The following MAPT variants were observed in gnomAD, a reference collection of about 807,000 sequenced individuals.
The protein encoded by MAPT is microtubule associated protein tau.
In MAPT, 34 loss-of-function variants were observed where a neutral mutation model predicts 67.9. The ratio of observed to expected loss-of-function variants is 0.50; its 90% confidence interval spans 0.38 to 0.67. The LOEUF (loss-of-function observed/expected upper bound fraction) is 0.67. Among genes scored for constraint, MAPT ranks in the 30% least tolerant of loss-of-function variants. MAPT has a pLI of 0.00. For synonymous variants in MAPT, 456 were observed against 464.5 expected, an observed-to-expected ratio of 0.98 and a Z score of 0.23; for missense variants, 881 against 1,115.2, an observed-to-expected ratio of 0.79 and a Z score of 2.99.
In MAPT at chr17:46,010,648, G is replaced by A. The variant is rs367962578; in HGVS notation, c.2091+246G>A. Among the ~76,000 whole-genome samples, 2 of 152,160 alleles carry A rather than the reference G, an allele frequency of 1.3e-5. No homozygotes were observed. The highest frequency in any genetic ancestry group is 1.9e-4 in the East Asian group (1 of 5,186). ...AGCATTTCTGGGTCCCCCAGCCTGCGCAGGCTGTGTGGACAGAATAGGGCA... is the reference window on the plus strand; with the variant it reads ...AGCATTTCTGGGTCCCCCAGCCTGCACAGGCTGTGTGGACAGAATAGGGCA... On this transcript the variant is annotated intron_variant, in intron 10 of 12. Coordinates refer to ENST00000262410, the MANE Select transcript of MAPT (RefSeq NM_001377265.1). The surrounding 1 kb of genome is among the most constrained non-coding windows in gnomAD (Gnocchi z 4.7).
chr17:45,952,573 C>T (rs978683953), intron 1 of MAPT, among the ~76,000 whole-genome samples: 3 of 152,100 alleles, frequency 2.0e-5, no homozygotes, highest in African/African-American at 7.2e-5. Context: ...TCGCTTGAGC[C>T]CTGGGGTTCA....
intron 9 of MAPT, among the ~76,000 whole-genome samples, chr17:46,006,200 A>G (rs1393373748): frequency 2.0e-5 from 3 of 152,244 alleles, no homozygotes; most frequent in Non-Finnish European, 2.9e-5. Context: ...GTGTCCATCA[A>G]CAGACAAATG....
intron 4 of MAPT, among the ~76,000 whole-genome samples, chr17:45,982,392 C>G (rs1015005481): frequency 6.6e-6 from 1 of 151,922 alleles, no homozygotes; most frequent in African/African-American, 2.4e-5. Context: ...AGGGGATTCT[C>G]GCTACACCCA....
At position 45,974,469 on chromosome 17, in the gene MAPT, C is replaced by G. The variant is rs773359800; in HGVS notation, c.220+2524C>G. On this transcript the variant is annotated intron_variant, in intron 3 of 12. Coordinates refer to ENST00000262410, the MANE Select transcript of MAPT (RefSeq NM_001377265.1). The stretch of plus-strand genomic sequence containing the variant: ...CACACGGAGATCCCAGAAGGAACCA[C>G]AGGTGAGGGTAAGCCCCAGAGACCC... The G allele has an allele frequency of 8.1e-6, 13 of 1,602,130 alleles. No individual in the cohort carries two copies. In the African/African-American group the frequency reaches 1.7e-4, roughly 21 times the overall value.
At chr17:45,929,968 C>T (rs564033974) in intron 1 of MAPT, among the ~76,000 whole-genome samples, 3 of 152,264 alleles carry the variant, frequency 2.0e-5, no homozygotes, top group African/African-American at 4.8e-5. Context: ...AAGCCAAGTT[C>T]CTTCCTGGGT....
At chr17:45,941,733 T>TCCTTCCTTCCTTCCTG (rs2068005820) in intron 1 of MAPT, among the ~76,000 whole-genome samples, 5 of 59,944 alleles carry the variant, frequency 8.3e-5, no homozygotes, top group Non-Finnish European at 9.2e-5. Context: ...CTTCCTTCCT[T>TCCTTCCTTCCTTCCTG]CCTTCCTTCC....
chr17:45,997,908 G>C (rs958558248), intron 9 of MAPT, among the ~76,000 whole-genome samples: 1 of 152,148 alleles, frequency 6.6e-6, no homozygotes, highest in African/African-American at 2.4e-5. Flanking sequence ...GGGGGTTAGG[G>C]CTTCAACATG....
chr17:45,910,683 A>C (rs1009826822), intron 1 of MAPT: 2 of 147,974 alleles, frequency 1.4e-5, no homozygotes, highest in African/African-American at 2.4e-5. Context: ...AAAAAAAAAA[A>C]AAACTAAGAT....
At chr17:45,944,064 G>A (rs757590416) in intron 1 of MAPT, among the ~76,000 whole-genome samples, 30 of 152,110 alleles carry the variant, frequency 2.0e-4, no homozygotes, top group Non-Finnish European at 3.2e-4. Context: ...CCACTCACAC[G>A]TCATGACTTC....
At chr17:45,930,855 C>T (rs539337162) in intron 1 of MAPT, among the ~76,000 whole-genome samples, 2 of 152,242 alleles carry the variant, frequency 1.3e-5, no homozygotes, top group South Asian at 4.1e-4. Context: ...GTCATGGCTG[C>T]GGGGACTACA....
chr17:45,972,021 C>T, intron 3 of MAPT, 76 bp downstream of exon 3: 1 of 1,034,138 alleles, frequency 9.7e-7, no homozygotes, highest in Non-Finnish European at 1.5e-6. Context: ...CTCCTGGCTG[C>T]ATCTGCTGCT....
intron 1 of MAPT, chr17:45,898,397 G>A (rs191913644): frequency 6.6e-6 from 1 of 152,228 alleles, no homozygotes; most frequent in African/African-American, 2.4e-5. Flanking sequence ...CGCTTTGATT[G>A]AGGAAAGGTT....
At chr17:45,962,253 C>T in intron 1 of MAPT, 68 bp from the exon 2 acceptor site, 1 of 1,328,406 alleles carries the variant, frequency 7.5e-7, no homozygotes, top group South Asian at 1.3e-5. Context: ...AGAGGCTCCT[C>T]TCTCTCTTCA....
intron 4 of MAPT, chr17:45,979,833 C>T (rs1294403316): frequency 1.3e-5 from 2 of 152,156 alleles, no homozygotes; most frequent in African/African-American, 2.4e-5. Context: ...GAACATATTC[C>T]ATGCAACAAA....
At chr17:45,923,353 A>G (rs1437143959) in intron 1 of MAPT, among the ~76,000 whole-genome samples, 1 of 152,190 alleles carries the variant, frequency 6.6e-6, no homozygotes, top group Non-Finnish European at 1.5e-5. Context: ...TTGGGGATCA[A>G]TAGAGCAGAG....
intron 2 of MAPT, among the ~76,000 whole-genome samples, chr17:45,963,557 C>G (rs1325960447): frequency 6.6e-6 from 1 of 152,212 alleles, no homozygotes; most frequent in Non-Finnish European, 1.5e-5. Flanking sequence ...AGGATGGACT[C>G]AGTCCCTGCC....
intron 1 of MAPT, among the ~76,000 whole-genome samples, chr17:45,921,396 G>A (rs993474278): frequency 2.4e-4 from 36 of 152,142 alleles, no homozygotes; most frequent in African/African-American, 8.2e-4. Context: ...CATTCCCCAC[G>A]CACATTAGCA....
At chr17:45,901,685 G>T (rs1374727180) in intron 1 of MAPT, among the ~76,000 whole-genome samples, 1 of 152,124 alleles carries the variant, frequency 6.6e-6, no homozygotes, top group African/African-American at 2.4e-5. Flanking sequence ...GATACACATA[G>T]ATTTCCAAGA....
intron 2 of MAPT, among the ~76,000 whole-genome samples, chr17:45,967,748 C>G (rs184654274): frequency 6.6e-6 from 1 of 152,286 alleles, no homozygotes; most frequent in Admixed American, 6.5e-5. Context: ...GAGTGCCTTT[C>G]TCGGAGTTCA....
Sources: allele counts gnomAD v4.1 joint callset (sites outside exome capture counted in the v4.1 genomes callset), GRCh38; gene constraint gnomAD v4.1.1; non-coding constraint Gnocchi (gnomAD v3.1); transcripts MANE v1.5; gene names NCBI Gene and HGNC (gene_info 2026-07-23, HGNC 2026-07-21).